The following TLK1 variants were observed in gnomAD, a reference collection of about 807,000 sequenced individuals.
TLK1 encodes the protein serine/threonine-protein kinase tousled-like 1.
TLK1 carries 24 observed loss-of-function variants against 105.3 expected under a neutral mutation model. The ratio of observed to expected loss-of-function variants is 0.23; its 90% confidence interval spans 0.17 to 0.32. The LOEUF (loss-of-function observed/expected upper bound fraction) is 0.32, where lower values mean the gene tolerates loss of function less well. Ranked by LOEUF, TLK1 falls within the 10% of genes least tolerant of loss-of-function variation. TLK1 has a pLI of 1.00. For synonymous variants in TLK1, 321 were observed against 310.4 expected, an observed-to-expected ratio of 1.03 and a Z score of -0.36; for missense variants, 558 against 910.5, an observed-to-expected ratio of 0.61 and a Z score of 4.98.
chr2:171,191,038 A>G (rs1293433675), intron 1 of TLK1, among the ~76,000 whole-genome samples: 1 of 151,950 alleles, frequency 6.6e-6, no homozygotes, highest in Non-Finnish European at 1.5e-5. Context: ...GTGCGGGCCT[A>G]TAATTCCAGC....
chr2:171,172,905 T>C (rs1219802007), intron 1 of TLK1, among the ~76,000 whole-genome samples: 1 of 152,230 alleles, frequency 6.6e-6, no homozygotes, highest in Non-Finnish European at 1.5e-5. Context: ...AGTATTCTCA[T>C]ACCTTGTTGA....
chr2:171,219,914 T>G (rs1693777027), intron 1 of TLK1, among the ~76,000 whole-genome samples: 1 of 152,190 alleles, frequency 6.6e-6, no homozygotes, highest in South Asian at 2.1e-4. Flanking sequence ...GGGGTCCTTT[T>G]TTAAGGGCAC....
At chr2:171,113,687 T>G (rs1190701577) in intron 2 of TLK1, among the ~76,000 whole-genome samples, 1 of 152,172 alleles carries the variant, frequency 6.6e-6, no homozygotes, top group Non-Finnish European at 1.5e-5. Flanking sequence ...AGAAGCACTG[T>G]GGAGAAAACT....
rs1456049848 is a variant in TLK1 at position 170,993,904 on chromosome 2, T to A, written c.2177A>T (p.His726Leu). ...AYRKEDRFDV[H>L]QLANDPYLLP... ...AAGGTATGGGTCATTTGCCAGCTGG[T>A]GCACATCAAATCGATCTTCTTTTCG... The change falls in exon 21 of 21, where the codon CAC (histidine) becomes CTC (leucine). Residue 726 changes from histidine to leucine, a missense_variant. His to Leu is a moderately conservative substitution (Grantham distance 99). Coordinates refer to ENST00000431350, the MANE Select transcript of TLK1 (RefSeq NM_012290.5). 3.1e-6 allele frequency: 5 copies of A among 1,612,186 alleles called. No homozygotes were observed.
rs1683868665 is a variant in TLK1, at chr2:170,993,288, A to T, written c.*492T>A. On this transcript the variant is annotated 3_prime_UTR_variant, in exon 21 of 21. Transcript: ENST00000431350. ...CAACTGTCACTGTCATTCAGTTCTT[A>T]CTTTGGTTTCAGCAGATTAACTGCC... is the stretch of plus-strand genomic sequence containing the variant. 1 of 152,698 alleles carries T rather than the reference A, an allele frequency of 6.5e-6. No homozygotes were observed. The highest frequency in any genetic ancestry group is 1.5e-5 in the Non-Finnish European group (1 of 68,070). 9.5% of individuals were successfully genotyped at this position (152,698 alleles called of 1,614,324 possible). A position where few individuals can be genotyped will look rare whatever the true frequency, so the allele number is the denominator to read the frequency against.
chr2:170,994,453 G>C (rs763338400), intron 20 of TLK1, among the ~76,000 whole-genome samples: 4 of 147,378 alleles, frequency 2.7e-5, no homozygotes, highest in Non-Finnish European at 5.9e-5. Context: ...TACACTCCTG[G>C]AAAAGCTAAA....
intron 2 of TLK1, among the ~76,000 whole-genome samples, chr2:171,102,842 C>G (rs1402554686): frequency 1.3e-5 from 2 of 152,026 alleles, no homozygotes; most frequent in Non-Finnish European, 1.5e-5. Context: ...AAAAAACAGA[C>G]TGAAGTCCAG....
At chr2:171,157,303 T>C (rs1193427239) in intron 1 of TLK1, among the ~76,000 whole-genome samples, 1 of 152,208 alleles carries the variant, frequency 6.6e-6, no homozygotes, top group Admixed American at 6.5e-5. Context: ...AATATGACAC[T>C]AGGTTCCTAG....
chr2:171,144,561 CTAAA>C (rs1248444221), intron 1 of TLK1, among the ~76,000 whole-genome samples: 23 of 151,736 alleles, frequency 1.5e-4, no homozygotes, highest in African/African-American at 2.7e-4. Context: ...TAACATATTC[CTAAA>C]TAAATAATGG....
At chr2:171,026,199 A>G (rs1685765214) in intron 12 of TLK1, among the ~76,000 whole-genome samples, 1 of 152,166 alleles carries the variant, frequency 6.6e-6, no homozygotes, top group Non-Finnish European at 1.5e-5. Context: ...GTAAGTAAAT[A>G]CGAAAAATAT....
intron 1 of TLK1, among the ~76,000 whole-genome samples, chr2:171,150,544 C>T (rs1691991582): frequency 6.6e-6 from 1 of 152,192 alleles, no homozygotes; most frequent in African/African-American, 2.4e-5. Context: ...TAGCTCATCT[C>T]CCAGGTTCCA....
chr2:171,117,940 T>TA, intron 1 of TLK1, 83 bp from the exon 2 acceptor site: 3 of 939,904 alleles, frequency 3.2e-6, no homozygotes, highest in Non-Finnish European at 4.5e-6. Flanking sequence ...TATATGTGAT[T>TA]AGTTAAGATG....
intron 11 of TLK1, 110 bp from the exon 12 acceptor site, chr2:171,028,515 G>T: frequency 1.4e-6 from 1 of 714,340 alleles, no homozygotes; most frequent in Non-Finnish European, 2.3e-6. Flanking sequence ...ACAACTTTAA[G>T]CCCAAAATGT....
At chr2:170,996,816 A>G (rs564340817) in intron 19 of TLK1, 56 bp from the exon 20 acceptor site, 8 of 1,441,284 alleles carry the variant, frequency 5.6e-6, no homozygotes, top group South Asian at 5.0e-5. Context: ...TTAAACACAG[A>G]TATCATTTCT....
At chr2:171,154,545 C>A (rs1322798818) in intron 1 of TLK1, 1 of 152,096 alleles carries the variant, frequency 6.6e-6, no homozygotes, top group East Asian at 1.9e-4. Flanking sequence ...TTCCAAGATC[C>A]GGTTCAGCTC....
chr2:171,083,862 A>G (rs1367528974), intron 2 of TLK1, among the ~76,000 whole-genome samples: 3 of 152,240 alleles, frequency 2.0e-5, no homozygotes, highest in Non-Finnish European at 4.4e-5. Context: ...AGTACTTGGA[A>G]TAAGTTATAA....
At chr2:171,182,506 A>G (rs1346375893) in intron 1 of TLK1, among the ~76,000 whole-genome samples, 2 of 152,208 alleles carry the variant, frequency 1.3e-5, no homozygotes, top group Non-Finnish European at 2.9e-5. Context: ...AAACTGAGAG[A>G]CATTCTACAA....
In TLK1 at chr2:171,066,991, T is replaced by C. The variant is rs6722984; in HGVS notation, c.331-5835A>G. On this transcript the variant is annotated intron_variant, in intron 3 of 20. Transcript: ENST00000431350. ...CTTGTAATAGTCAAATTCAGAGCTG[T>C]GGTCTCACAACTTTTGACCCATTGT... 5.1e-3 allele frequency: 7,665 copies of C among 1,517,402 alleles called. 321 individuals carry two copies. In the African/African-American group the frequency reaches 0.091, roughly 18 times the overall value. The allele number at this position is 1,517,402 out of a possible 1,614,324, so 94.0% of individuals were successfully genotyped here. A position where few individuals can be genotyped will look rare whatever the true frequency, so the allele number is the denominator to read the frequency against.
chr2:171,160,148 G>A lies in TLK1; in HGVS notation c.139+142C>T. 1 of 920,498 alleles carries A rather than the reference G, an allele frequency of 1.1e-6. No individual in the cohort carries two copies. The highest frequency in any genetic ancestry group is 1.4e-6 in the Non-Finnish European group (1 of 702,968). The allele number at this position is 920,498 out of a possible 1,614,324, so 57.0% of individuals were successfully genotyped here. ...CCTCCCCAGAGCCGGGGAGCCGGGCGGCCTCGCGTCCACCTCGCCACCATC... is the reference window on the plus strand; with the variant it reads ...CCTCCCCAGAGCCGGGGAGCCGGGCAGCCTCGCGTCCACCTCGCCACCATC... On this transcript the variant is annotated intron_variant, in intron 1 of 20. Coordinates refer to ENST00000431350, the MANE Select transcript of TLK1 (RefSeq NM_012290.5). This position sits in a 1 kb window ranked among gnomAD's most constrained non-coding sequence, Gnocchi z 4.4.
Sources: allele counts gnomAD v4.1 joint callset (sites outside exome capture counted in the v4.1 genomes callset), GRCh38; gene constraint gnomAD v4.1.1; non-coding constraint Gnocchi (gnomAD v3.1); transcripts MANE v1.5; gene names NCBI Gene and HGNC (gene_info 2026-07-23, HGNC 2026-07-21).